FAM227B: variants seen among roughly 807,000 people sequenced by gnomAD.
FAM227B encodes family with sequence similarity 227 member B.
A neutral mutation model predicts 73.8 loss-of-function variants in FAM227B; 88 were observed. That is an observed-to-expected ratio of 1.19 (90% CI 1.00 to 1.42). The LOEUF is 1.42. Ranked by LOEUF, FAM227B falls within the 40% of genes most tolerant of loss-of-function variation. The pLI is 0.00. For synonymous variants in FAM227B, 210 were observed against 190.5 expected, an observed-to-expected ratio of 1.10 and a Z score of -0.84; for missense variants, 632 against 590.9, an observed-to-expected ratio of 1.07 and a Z score of -0.72.
chr15:49,611,392 T>C, intron 2 of FAM227B, 124 bp from the exon 3 acceptor site: 3 of 533,944 alleles, frequency 5.6e-6, no homozygotes, highest in Non-Finnish European at 6.6e-6. Flanking sequence ...TAAGATATCA[T>C]AAAATGCTCA....
intron 15 of FAM227B, chr15:49,329,806 TAAA>T (rs558009170): frequency 7.8e-3 from 5,657 of 722,838 alleles, no homozygotes; most frequent in Middle Eastern, 9.8e-3. Flanking sequence ...TGGATCAGTG[TAAA>T]AAAAAAAAAA....
At position 49,328,035 on chromosome 15, in the gene FAM227B, C is replaced by T; in HGVS notation, c.*533G>A. The T allele has an allele frequency of 6.2e-7, 1 of 1,613,976 alleles. No individual in the cohort carries two copies. Among genetic ancestry groups the T allele is most frequent in the Non-Finnish European group, 8.5e-7 (1 of 1,179,900 alleles). On this transcript the variant is annotated 3_prime_UTR_variant, in exon 16 of 16. Transcript: ENST00000299338. ...TCAATGGTACCTGCGGACAAGCTGC[C>T]CAGCTTTCTAGCAAATGTGCACAAA...
intron 10 of FAM227B, among the ~76,000 whole-genome samples, chr15:49,523,111 T>C (rs370676207): frequency 8.5e-5 from 13 of 152,152 alleles, no homozygotes; most frequent in African/African-American, 3.1e-4. Flanking sequence ...GAAAATCTCA[T>C]CAGACTAACA....
At chr15:49,365,486 CA>C in intron 13 of FAM227B, 2 of 860,182 alleles carry the variant, frequency 2.3e-6, no homozygotes, top group Non-Finnish European at 4.1e-6. Context: ...ATGATGCACA[CA>C]CTCATTACTG....
At chr15:49,537,304 G>C (rs1039878771) in intron 10 of FAM227B, among the ~76,000 whole-genome samples, 1 of 151,960 alleles carries the variant, frequency 6.6e-6, no homozygotes, top group Admixed American at 6.6e-5. Context: ...TATATGAAAA[G>C]ACACAGAAGT....
chr15:49,392,990 T>C (rs2047317584), intron 11 of FAM227B, among the ~76,000 whole-genome samples: 1 of 152,126 alleles, frequency 6.6e-6, no homozygotes. Context: ...GCAACAGGAA[T>C]GGACCAATCC....
At chr15:49,344,126 A>T (rs1379252896) in intron 13 of FAM227B, 2 of 152,200 alleles carry the variant, frequency 1.3e-5, no homozygotes, top group African/African-American at 4.8e-5. Context: ...ATGAAATCTC[A>T]TATTGATGAA....
At chr15:49,523,941 T>A (rs2059964704) in intron 10 of FAM227B, among the ~76,000 whole-genome samples, 1 of 152,098 alleles carries the variant, frequency 6.6e-6, no homozygotes, top group Admixed American at 6.6e-5. Flanking sequence ...GCAGAAGAAA[T>A]TTCTAAGCAG....
intron 1 of FAM227B, among the ~76,000 whole-genome samples, chr15:49,618,579 T>TG (rs1460223138): frequency 6.6e-6 from 1 of 152,230 alleles, no homozygotes; most frequent in East Asian, 1.9e-4. Context: ...CACTAAATGT[T>TG]GATTTAGCCA....
intron 11 of FAM227B, among the ~76,000 whole-genome samples, chr15:49,416,320 ATAAG>A (rs2049207126): frequency 2.0e-5 from 3 of 152,104 alleles, no homozygotes; most frequent in Admixed American, 2.0e-4. Flanking sequence ...AATCAAGGAA[ATAAG>A]TAAGATTGGT....
intron 11 of FAM227B, among the ~76,000 whole-genome samples, chr15:49,420,347 A>G (rs2049517234): frequency 1.3e-5 from 2 of 152,200 alleles, no homozygotes; most frequent in African/African-American, 2.4e-5. Flanking sequence ...AGCTATAACA[A>G]AAACAAAAAT....
rs1326611488 is a variant in FAM227B, at chr15:49,541,796, T to A, written c.758A>T (p.Asp253Val). Residue 253 changes from aspartate (D) to valine (V), a missense_variant, in exon 10 of 16, where the codon GAT becomes GTT. Coordinates refer to ENST00000299338, the MANE Select transcript of FAM227B (RefSeq NM_152647.3). ...TGCATATATGGCTTGTGCCAAACAA[T>A]CAGGATATATCTACCAAAATAAAAT... The part of the protein sequence containing the change: ...RKDAFFQIYP[D>V]CLAQAIYATF... 7.7e-6 allele frequency: 11 copies of A among 1,432,614 alleles called. No individual in the cohort carries two copies. The highest frequency in any genetic ancestry group is 1.0e-5 in the Non-Finnish European group (11 of 1,090,844). The allele number at this position is 1,432,614 out of a possible 1,614,324, so 88.7% of individuals were successfully genotyped here. A position where few individuals can be genotyped will look rare whatever the true frequency, so the allele number is the denominator to read the frequency against.
chr15:49,333,514 A>G (rs544208474), intron 14 of FAM227B, among the ~76,000 whole-genome samples: 2 of 152,228 alleles, frequency 1.3e-5, no homozygotes, highest in Non-Finnish European at 2.9e-5. Context: ...GAAACTTGTA[A>G]GAGTCACCCG....
intron 3 of FAM227B, among the ~76,000 whole-genome samples, chr15:49,608,381 TAG>T (rs1238853119): frequency 2.6e-5 from 4 of 151,758 alleles, no homozygotes; most frequent in Admixed American, 6.6e-5. Flanking sequence ...GAAGGGAGAG[TAG>T]ACAGACAAAA....
At chr15:49,429,975 C>T (rs2151778829) in intron 11 of FAM227B, among the ~76,000 whole-genome samples, 1 of 151,992 alleles carries the variant, frequency 6.6e-6, no homozygotes, top group East Asian at 1.9e-4. Context: ...CCTCAGGGGT[C>T]TTGGGAATGT....
intron 10 of FAM227B, among the ~76,000 whole-genome samples, chr15:49,532,479 A>AT (rs1451917537): frequency 2.0e-5 from 3 of 151,904 alleles, no homozygotes; most frequent in Non-Finnish European, 4.4e-5. Flanking sequence ...AGCAAAATTA[A>AT]TGACAAATAT....
At chr15:49,406,360 C>T (rs992207667) in intron 11 of FAM227B, among the ~76,000 whole-genome samples, 4 of 152,104 alleles carry the variant, frequency 2.6e-5, no homozygotes, top group Non-Finnish European at 4.4e-5. Flanking sequence ...AATATGGCTC[C>T]AGGACTGATG....
chr15:49,538,176 T>C (rs1434735841), intron 10 of FAM227B, among the ~76,000 whole-genome samples: 1 of 152,160 alleles, frequency 6.6e-6, no homozygotes, highest in African/African-American at 2.4e-5. Flanking sequence ...GATTATGCGG[T>C]TGACACTTGA....
chr15:49,531,190 A>G lies in FAM227B; in HGVS notation c.874+10490T>C, dbSNP rs562485538. On this transcript the variant is annotated intron_variant, in intron 10 of 15. Transcript: ENST00000299338. ...AAATACAAACCAAAATTGCAACTAC[A>G]TGCTGGAAATGTTCCATACCTTGAT... Among the ~76,000 whole-genome samples, 134 of 151,970 alleles carry G rather than the reference A, an allele frequency of 8.8e-4. 5 individuals are homozygous for G. In the South Asian group the frequency reaches 0.027, roughly 30 times the overall value.
Sources: gnomAD v4.1 joint callset for allele counts (sites outside exome capture counted in the v4.1 genomes callset) on GRCh38, gnomAD v4.1.1 for gene constraint, MANE v1.5 for transcripts, NCBI Gene and HGNC (gene_info 2026-07-23, HGNC 2026-07-21) for gene names.